RASGRP1: variants seen among roughly 807,000 people sequenced by gnomAD.
The protein encoded by RASGRP1 is RAS guanyl-releasing protein 1.
RASGRP1 carries 37 observed loss-of-function variants against 95.1 expected under a neutral mutation model. The observed-to-expected ratio is 0.39, with a 90% confidence interval of 0.30 to 0.51. The LOEUF (loss-of-function observed/expected upper bound fraction) is 0.51, where lower values mean the gene tolerates loss of function less well. Ranked by LOEUF, RASGRP1 falls within the 20% of genes least tolerant of loss-of-function variation. The pLI is 0.80. For missense variants in RASGRP1, 711 were observed against 965.4 expected (o/e 0.74, Z 3.49); for synonymous variants, 325 against 353.4 (o/e 0.92, Z 0.90).
intron 2 of RASGRP1, among the ~76,000 whole-genome samples, chr15:38,544,548 G>A (rs1893033068): frequency 6.6e-6 from 1 of 152,216 alleles, no homozygotes; most frequent in South Asian, 2.1e-4. Context: ...GTTATCTTGG[G>A]AGTTTGGCCC....
At chr15:38,498,734 T>C in intron 15 of RASGRP1, 60 bp downstream of exon 15, 1 of 1,573,630 alleles carries the variant, frequency 6.4e-7, no homozygotes, top group Non-Finnish European at 8.6e-7. Flanking sequence ...TCTTTCCGTC[T>C]CTAAAACTTT....
Position 38,489,046 on chromosome 15 carries a change from A to G in RASGRP1, c.*1508T>C, listed in dbSNP as rs1053757703. ...TTTCATCAAAGAGAATTCCTAAATG[A>G]TCTGAATCCTCCAGGTAAGCAATAC... On this transcript the variant is annotated 3_prime_UTR_variant, in exon 17 of 17. Transcript: ENST00000310803. 1 of 152,040 alleles carries G rather than the reference A, an allele frequency of 6.6e-6. No individual in the cohort carries two copies. Among genetic ancestry groups the G allele is most frequent in the African/African-American group, 2.4e-5 (1 of 41,446 alleles). 9.4% of individuals were successfully genotyped at this position (152,040 alleles called of 1,614,324 possible). A position where few individuals can be genotyped will look rare whatever the true frequency, so the allele number is the denominator to read the frequency against.
chr15:38,519,680 T>C (rs1006989307), intron 3 of RASGRP1, among the ~76,000 whole-genome samples: 1 of 151,876 alleles, frequency 6.6e-6, no homozygotes, highest in African/African-American at 2.4e-5. Flanking sequence ...AGGTAACTTA[T>C]AAAAAGTGAA....
chr15:38,494,008 G>A (rs1890695966), intron 16 of RASGRP1, among the ~76,000 whole-genome samples: 1 of 152,188 alleles, frequency 6.6e-6, no homozygotes, highest in South Asian at 2.1e-4. Flanking sequence ...AGTGGTATCA[G>A]CACAGTAAAG....
rs779149047 is a variant in RASGRP1, at chr15:38,500,089, A to G, written c.1720+14T>C. ...CTGATACACCAGGAATATGTCAACA[A>G]TATTGAGTCTTACCTTTACATCGAT... On this transcript the variant is annotated intron_variant, in intron 14 of 16. Transcript: ENST00000310803. 29 of 1,612,056 alleles carry G rather than the reference A, an allele frequency of 1.8e-5. No individual in the cohort carries two copies. Among genetic ancestry groups the G allele is most frequent in the Middle Eastern group, 1.7e-4 (1 of 6,060 alleles).
At position 38,534,009 on chromosome 15, in the gene RASGRP1, A is replaced by T. The variant is rs532399216; in HGVS notation, c.221-7605T>A. On this transcript the variant is annotated intron_variant, in intron 2 of 16. Transcript: ENST00000310803. Reference sequence around the variant, plus strand: ...CCAGCATGCACCCACAGCAGCTGCAAGCCTCCTCAAGAGGGCTGGTGCTTG... The same window carrying T: ...CCAGCATGCACCCACAGCAGCTGCATGCCTCCTCAAGAGGGCTGGTGCTTG... 4.5e-4 allele frequency among the ~76,000 whole-genome samples: 69 copies of T among 152,342 alleles called. 1 individual carries two copies. The highest frequency in any genetic ancestry group is 1.5e-3 in the African/African-American group (61 of 41,590).
intron 2 of RASGRP1, among the ~76,000 whole-genome samples, chr15:38,545,160 A>G (rs1485414263): frequency 6.6e-6 from 1 of 152,222 alleles, no homozygotes; most frequent in Non-Finnish European, 1.5e-5. Context: ...AACAAAGGGG[A>G]AAACCCACTT....
rs767570897 is a variant in RASGRP1, at chr15:38,494,433, T to C, written c.2208A>G (p.Ser736=). The C allele has an allele frequency of 3.1e-6, 5 of 1,613,788 alleles. No homozygotes were observed. The South Asian group carries it at 4.4e-5, about 14-fold the overall frequency. The change falls in exon 16 of 17, where the codon TCA becomes TCG. Residue 736 remains serine (S), a synonymous_variant. Coordinates refer to ENST00000310803, the MANE Select transcript of RASGRP1 (RefSeq NM_005739.4). ...KWENKDSLIK[S]KEELRHLRLP... ...GTCTGAGGTGACGGAGCTCCTCCTT[T>C]GATTTTATGAGGGAGTCTTTATTCT...
chr15:38,542,900 T>TCTATACAC, intron 2 of RASGRP1, among the ~76,000 whole-genome samples: 1 of 143,736 alleles, frequency 7.0e-6, no homozygotes, highest in South Asian at 2.2e-4. Context: ...TATGTGTATA[T>TCTATACAC]ATATACACAT....
At chr15:38,537,733 G>T (rs533716113) in intron 2 of RASGRP1, among the ~76,000 whole-genome samples, 17 of 152,232 alleles carry the variant, frequency 1.1e-4, no homozygotes, top group African/African-American at 3.6e-4. Context: ...TGAGATTTGG[G>T]CAGGAACAAC....
intron 5 of RASGRP1, 100 bp downstream of exon 5, chr15:38,518,192 G>A: frequency 3.5e-6 from 4 of 1,140,618 alleles, no homozygotes; most frequent in South Asian, 1.4e-5. Flanking sequence ...GAGAAAGAGA[G>A]CAGCAGTCAC....
At chr15:38,491,638 G>A (rs1345649472) in intron 16 of RASGRP1, among the ~76,000 whole-genome samples, 1 of 152,072 alleles carries the variant, frequency 6.6e-6, no homozygotes, top group Non-Finnish European at 1.5e-5. Flanking sequence ...TGTAAATACT[G>A]ATTTAATTTG....
intron 6 of RASGRP1, 34 bp from the exon 7 acceptor site, chr15:38,512,990 C>A (rs1207190771): frequency 6.1e-6 from 9 of 1,465,318 alleles, no homozygotes; most frequent in South Asian, 2.9e-5. Flanking sequence ...ACAAAAAAAA[C>A]CTATCAGTAC....
intron 7 of RASGRP1, 133 bp downstream of exon 7, chr15:38,512,650 C>T: frequency 8.9e-7 from 1 of 1,125,790 alleles, no homozygotes. Context: ...GTTGAAGGCA[C>T]ACAAACCTCT....
At position 38,560,109 on chromosome 15, in the gene RASGRP1, C is replaced by G. The variant is rs1391364076; in HGVS notation, c.36-104G>C. On this transcript the variant is annotated intron_variant, in intron 1 of 16. Transcript: ENST00000310803. ...GAGATAAGACAATTAATCTCAGGAG[C>G]TGGGCTGATAGAAGCCATACCCCTC... is the stretch of plus-strand genomic sequence containing the variant. 3.6e-6 allele frequency: 4 copies of G among 1,116,348 alleles called. No individual in the cohort carries two copies. The East Asian group carries it at 7.7e-5, about 21-fold the overall frequency. 69.2% of individuals were successfully genotyped at this position (1,116,348 alleles called of 1,614,324 possible).
chr15:38,533,544 C>T (rs1002472803), intron 2 of RASGRP1, among the ~76,000 whole-genome samples: 5 of 152,094 alleles, frequency 3.3e-5, no homozygotes, highest in Non-Finnish European at 7.4e-5. Flanking sequence ...TTTTTTAGAG[C>T]GGACGGCAGC....
intron 10 of RASGRP1, 151 bp from the exon 11 acceptor site, chr15:38,503,527 A>G (rs1408663984): frequency 4.5e-6 from 3 of 672,088 alleles, no homozygotes; most frequent in Admixed American, 2.8e-5. Flanking sequence ...GGCAATTGAA[A>G]TCTCTACTAA....
intron 9 of RASGRP1, among the ~76,000 whole-genome samples, chr15:38,506,541 G>A (rs1357179286): frequency 2.0e-5 from 3 of 151,616 alleles, no homozygotes; most frequent in Non-Finnish European, 4.4e-5. Context: ...AGGCTGAGGT[G>A]GGAGGATGGC....
intron 2 of RASGRP1, among the ~76,000 whole-genome samples, chr15:38,529,500 A>G (rs921110383): frequency 6.6e-6 from 1 of 152,146 alleles, no homozygotes; most frequent in Non-Finnish European, 1.5e-5. Context: ...TCTTAGTTTC[A>G]ATGTCACATC....
Sources: gnomAD v4.1 joint callset for allele counts (sites outside exome capture counted in the v4.1 genomes callset) on GRCh38, gnomAD v4.1.1 for gene constraint, MANE v1.5 for transcripts, NCBI Gene and HGNC (gene_info 2026-07-23, HGNC 2026-07-21) for gene names.